The following NAV3 variants were observed in gnomAD, a reference collection of about 807,000 sequenced individuals.
NAV3 encodes the protein pore membrane and/or filament interacting like protein 1.
A neutral mutation model predicts 244.7 loss-of-function variants in NAV3; 87 were observed. That is an observed-to-expected ratio of 0.36 (90% CI 0.30 to 0.42). The LOEUF (loss-of-function observed/expected upper bound fraction) is 0.42. NAV3 is among the 20% of genes least tolerant of loss of function. The pLI is 1.00. For missense variants in NAV3, 2,663 were observed against 2,893.3 expected, an observed-to-expected ratio of 0.92 and a Z score of 1.83; for synonymous variants, 1,126 against 1,042.2, an observed-to-expected ratio of 1.08 and a Z score of -1.55.
intron 18 of NAV3, among the ~76,000 whole-genome samples, chr12:78,132,550 G>A (rs1956210011): frequency 6.6e-6 from 1 of 152,112 alleles, no homozygotes; most frequent in Admixed American, 6.6e-5. Context: ...TAGACACAAG[G>A]TCACTTTTGA....
intron 1 of NAV3, among the ~76,000 whole-genome samples, chr12:77,912,380 G>GTAT (rs888757770): frequency 6.6e-6 from 1 of 152,008 alleles, no homozygotes; most frequent in African/African-American, 2.4e-5. Context: ...ACAAAATATG[G>GTAT]TATTCCTTTG....
chr12:77,685,971 T>G (rs79842131), intron 2 of NAV3, among the ~76,000 whole-genome samples: 49 of 152,306 alleles, frequency 3.2e-4, no homozygotes, highest in African/African-American at 1.2e-3. Flanking sequence ...TCTTTAACAT[T>G]GTCAACAGAA....
chr12:78,001,851 T>C (rs1383663252), intron 7 of NAV3, among the ~76,000 whole-genome samples: 1 of 152,218 alleles, frequency 6.6e-6, no homozygotes, highest in African/African-American at 2.4e-5. Flanking sequence ...AACAGCATCA[T>C]TTGTAAAGCA....
At chr12:78,007,501 C>CA in intron 8 of NAV3, 56 bp downstream of exon 8, 1 of 1,533,826 alleles carries the variant, frequency 6.5e-7, no homozygotes, top group South Asian at 1.2e-5. Flanking sequence ...CCTACATACT[C>CA]AGAGTGTAAT....
At chr12:77,998,315 A>G in intron 6 of NAV3, 22 bp from the exon 7 acceptor site, 1 of 1,535,252 alleles carries the variant, frequency 6.5e-7, no homozygotes, top group East Asian at 2.3e-5. Context: ...ATAATGATGT[A>G]ATTTTTCTTA....
intron 2 of NAV3, among the ~76,000 whole-genome samples, chr12:77,763,171 T>A (rs150535066): frequency 1.3e-4 from 20 of 152,252 alleles, no homozygotes; most frequent in Middle Eastern, 3.4e-3. Flanking sequence ...AGGTGACTGG[T>A]CCTTGGGTGG....
At chr12:77,784,788 T>G (rs10859376) in intron 2 of NAV3, among the ~76,000 whole-genome samples, 58,681 of 151,954 alleles carry the variant, frequency 0.39, 11,914 homozygotes, top group East Asian at 0.49. Context: ...ACAATATAAC[T>G]AATATTTTGT....
intron 24 of NAV3, among the ~76,000 whole-genome samples, chr12:78,173,675 T>A (rs750306089): frequency 6.6e-6 from 1 of 151,424 alleles, no homozygotes; most frequent in Non-Finnish European, 1.5e-5. Context: ...TGTTTTGGCA[T>A]GCAAAACCAG....
At chr12:77,781,389 C>T (rs191473315) in intron 2 of NAV3, among the ~76,000 whole-genome samples, 75 of 152,290 alleles carry the variant, frequency 4.9e-4, no homozygotes, top group African/African-American at 1.5e-3. Context: ...GATGCTTCAT[C>T]TGCATGATAA....
At chr12:78,197,221 T>C (rs1959189008) in intron 34 of NAV3, 26 bp from the exon 35 acceptor site, 2 of 1,492,126 alleles carry the variant, frequency 1.3e-6, no homozygotes, top group African/African-American at 1.4e-5. Context: ...ATCACTGACG[T>C]ATCTGTTTTC....
intron 1 of NAV3, among the ~76,000 whole-genome samples, chr12:77,871,211 G>A (rs1880901687): frequency 2.6e-5 from 4 of 152,020 alleles, no homozygotes; most frequent in South Asian, 2.1e-4. Context: ...AATTTCATGT[G>A]AGAAATAACT....
At chr12:78,083,202 C>A (rs1357683127) in intron 12 of NAV3, among the ~76,000 whole-genome samples, 1 of 152,174 alleles carries the variant, frequency 6.6e-6, no homozygotes, top group East Asian at 1.9e-4. Flanking sequence ...GAGAGCCAAA[C>A]TGGCTTTTAT....
chr12:78,205,816 C>A (rs1218446439), intron 39 of NAV3, among the ~76,000 whole-genome samples: 2 of 152,016 alleles, frequency 1.3e-5, no homozygotes, highest in Non-Finnish European at 2.9e-5. Flanking sequence ...GTGTTACTAA[C>A]TCACCATTCT....
intron 2 of NAV3, among the ~76,000 whole-genome samples, chr12:77,670,015 G>A (rs1873893864): frequency 6.6e-6 from 1 of 152,020 alleles, no homozygotes; most frequent in Admixed American, 6.6e-5. Flanking sequence ...CAAAAAGCTG[G>A]TTCTTTCAAA....
rs531232127 is a variant in NAV3 at position 77,888,835 on chromosome 12, G to A, written c.244-51484G>A. ...TCTCAGAGAGGTGAGTCATATGTGT[G>A]TGACTGTGGATAGGACCGGTGTTCT... On this transcript the variant is annotated intron_variant, in intron 1 of 39. Coordinates refer to ENST00000397909, the MANE Select transcript of NAV3 (RefSeq NM_001024383.2). Among the ~76,000 whole-genome samples, 182 of 152,278 alleles carry A rather than the reference G, an allele frequency of 1.2e-3. 3 individuals are homozygous for A. The highest frequency in any genetic ancestry group is 2.3e-3 in the South Asian group (11 of 4,820).
chr12:78,206,854 C>CTTTTTTTTTTTTTTTTTTTTTTTTTATTT (rs10594185), intron 39 of NAV3, among the ~76,000 whole-genome samples: 1 of 114,840 alleles, frequency 8.7e-6, no homozygotes, highest in Non-Finnish European at 1.8e-5. Flanking sequence ...TTCTTTCTTA[C>CTTTTTTTTTTTTTTTTTTTTTTTTTATTT]TTTTTTTTTT....
chr12:78,094,832 AG>A (rs1286411427), intron 12 of NAV3, among the ~76,000 whole-genome samples: 1 of 151,818 alleles, frequency 6.6e-6, no homozygotes, highest in Non-Finnish European at 1.5e-5. Context: ...GTGGATCACG[AG>A]GTCAGGAGAT....
intron 2 of NAV3, among the ~76,000 whole-genome samples, chr12:77,725,582 G>T (rs1477193796): frequency 6.6e-6 from 1 of 151,460 alleles, no homozygotes; most frequent in Non-Finnish European, 1.5e-5. Context: ...GGAAATCAGA[G>T]AAAGTGGTAG....
intron 2 of NAV3, among the ~76,000 whole-genome samples, chr12:77,651,154 A>G (rs960208139): frequency 1.3e-5 from 2 of 152,162 alleles, no homozygotes; most frequent in African/African-American, 4.8e-5. Context: ...TATAAAAAAA[A>G]AATTCTACTT....
Sources: gnomAD v4.1 joint callset for allele counts (sites outside exome capture counted in the v4.1 genomes callset) on GRCh38, gnomAD v4.1.1 for gene constraint, MANE v1.5 for transcripts, NCBI Gene and HGNC (gene_info 2026-07-23, HGNC 2026-07-21) for gene names.